DNAJC3: variants seen among roughly 807,000 people sequenced by gnomAD.
DNAJC3 encodes the protein dnaJ homolog subfamily C member 3.
DNAJC3 carries 38 observed loss-of-function variants against 68.6 expected under a neutral mutation model. The observed-to-expected ratio is 0.55, with a 90% CI of 0.43 to 0.73. DNAJC3 has a LOEUF of 0.73. Among genes scored for constraint, DNAJC3 ranks in the 30% least tolerant of loss-of-function variants. DNAJC3 has a pLI of 0.00. For synonymous variants in DNAJC3, 203 were observed against 204.0 expected, an observed-to-expected ratio of 1.00 and a Z score of 0.04; for missense variants, 526 against 591.9, an observed-to-expected ratio of 0.89 and a Z score of 1.16.
At position 95,767,194 on chromosome 13, in the gene DNAJC3, G is replaced by A. The variant is rs138199772; in HGVS notation, c.1075+3241G>A. Among the ~76,000 whole-genome samples the A allele has an allele frequency of 1.0e-3, 154 of 151,810 alleles. 1 individual carries two copies. Among genetic ancestry groups the A allele is most frequent in the Admixed American group, 2.6e-3 (39 of 15,226 alleles). ...AGCCGCTCCTTTTTACCTCTCCCTCGGCCCCTGGGAACCACCATTCTACTT... is the reference window on the plus strand; with the variant it reads ...AGCCGCTCCTTTTTACCTCTCCCTCAGCCCCTGGGAACCACCATTCTACTT... On this transcript the variant is annotated intron_variant, in intron 9 of 11. Coordinates refer to ENST00000602402, the MANE Select transcript of DNAJC3 (RefSeq NM_006260.5).
chr13:95,759,173 C>G (rs1882749226), intron 5 of DNAJC3, among the ~76,000 whole-genome samples: 1 of 152,166 alleles, frequency 6.6e-6, no homozygotes, highest in African/African-American at 2.4e-5. Flanking sequence ...TTCCTAAACC[C>G]TTATGGACTT....
intron 9 of DNAJC3, among the ~76,000 whole-genome samples, chr13:95,773,662 T>C (rs180705908): frequency 6.6e-6 from 1 of 151,760 alleles, no homozygotes; most frequent in Admixed American, 6.6e-5. Context: ...TTGTTTCTAA[T>C]ATTAATAATT....
At chr13:95,747,105 A>G (rs1882327691) in intron 4 of DNAJC3, among the ~76,000 whole-genome samples, 1 of 152,240 alleles carries the variant, frequency 6.6e-6, no homozygotes, top group Non-Finnish European at 1.5e-5. Context: ...CATATAACTT[A>G]GATCATTTAA....
At chr13:95,767,691 G>GGTTTTTTTTTT in intron 9 of DNAJC3, among the ~76,000 whole-genome samples, 1 of 135,798 alleles carries the variant, frequency 7.4e-6, no homozygotes, top group African/African-American at 2.7e-5. Context: ...AGTTTTTTGG[G>GGTTTTTTTTTT]TTTTTTTTTT....
chr13:95,780,584 T>G (rs534135885), intron 9 of DNAJC3, among the ~76,000 whole-genome samples: 2 of 152,364 alleles, frequency 1.3e-5, no homozygotes, highest in African/African-American at 4.8e-5. Context: ...TACAGTTTCT[T>G]TGTATTGTTT....
chr13:95,692,318 A>G (rs945117558), intron 1 of DNAJC3, among the ~76,000 whole-genome samples: 4 of 151,964 alleles, frequency 2.6e-5, no homozygotes, highest in South Asian at 2.1e-4. Flanking sequence ...CTAAGTCTGG[A>G]GTTTCATTGT....
rs751273715 is a variant in DNAJC3 at position 95,785,999 on chromosome 13, G to A, written c.1136G>A (p.Gly379Asp). The change falls in exon 10 of 12, where the codon GGT (glycine) becomes GAT (aspartate). Residue 379 changes from glycine to aspartate, a missense_variant. By Grantham distance (94) the Gly-to-Asp change is moderately conservative. Coordinates refer to ENST00000602402, the MANE Select transcript of DNAJC3 (RefSeq NM_006260.5). ...HNENDQQIRE[G>D]LEKAQRLLKQ... ...GAAAATGATCAGCAGATTCGAGAAG[G>A]TCTAGAGAAAGCACAAAGATTATTG... 5 of 1,612,416 alleles carry A rather than the reference G, an allele frequency of 3.1e-6. No individual in the cohort carries two copies. The highest frequency in any genetic ancestry group is 1.7e-5 in the Admixed American group (1 of 59,794).
At chr13:95,690,893 A>T (rs566678330) in intron 1 of DNAJC3, among the ~76,000 whole-genome samples, 1 of 125,174 alleles carries the variant, frequency 8.0e-6, no homozygotes, top group Non-Finnish European at 1.6e-5. Flanking sequence ...CACTTCCCAG[A>T]CGGGGCGGCT....
At chr13:95,724,004 A>G (rs1881426938) in intron 3 of DNAJC3, among the ~76,000 whole-genome samples, 1 of 151,900 alleles carries the variant, frequency 6.6e-6, no homozygotes, top group Non-Finnish European at 1.5e-5. Context: ...TTTCAGAAGT[A>G]ATTTGATAGC....
At chr13:95,689,703 G>A (rs1399390947) in intron 1 of DNAJC3, among the ~76,000 whole-genome samples, 3 of 151,656 alleles carry the variant, frequency 2.0e-5, no homozygotes, top group East Asian at 1.9e-4. Context: ...GTTCATTTGC[G>A]ATCTTTCTAT....
Position 95,695,993 on chromosome 13 carries a change from T to C in DNAJC3, c.83-13234T>C, listed in dbSNP as rs1880429019. ...TGTTAATCCCCATGAATGATATATG[T>C]GCTATAAATGCTTGATTGTACATAG... On this transcript the variant is annotated intron_variant, in intron 1 of 11. Coordinates refer to ENST00000602402, the MANE Select transcript of DNAJC3 (RefSeq NM_006260.5). Among the ~76,000 whole-genome samples the C allele has an allele frequency of 2.0e-5, 3 of 152,204 alleles. No individual in the cohort carries two copies. The South Asian group carries it at 6.2e-4, about 32-fold the overall frequency.
intron 9 of DNAJC3, among the ~76,000 whole-genome samples, chr13:95,780,050 G>A (rs1304057740): frequency 6.6e-6 from 1 of 152,108 alleles, no homozygotes; most frequent in Non-Finnish European, 1.5e-5. Flanking sequence ...TGGGGCCAGG[G>A]CAGCCTTCTG....
chr13:95,712,953 A>G (rs1489301911), intron 2 of DNAJC3, among the ~76,000 whole-genome samples: 1 of 152,130 alleles, frequency 6.6e-6, no homozygotes, highest in Non-Finnish European at 1.5e-5. Context: ...TGTTCTCATG[A>G]AAGTGAATGA....
chr13:95,705,196 C>G (rs757057774), intron 1 of DNAJC3, among the ~76,000 whole-genome samples: 1 of 152,150 alleles, frequency 6.6e-6, no homozygotes, highest in African/African-American at 2.4e-5. Flanking sequence ...TCCCTGCCAC[C>G]ATGGCCACTT....
intron 1 of DNAJC3, among the ~76,000 whole-genome samples, chr13:95,696,797 G>A (rs1021891063): frequency 6.6e-6 from 1 of 151,948 alleles, no homozygotes. Flanking sequence ...CCAGACTGGA[G>A]TGCAGTGGCG....
intron 9 of DNAJC3, among the ~76,000 whole-genome samples, chr13:95,773,630 G>A (rs1883215557): frequency 6.6e-6 from 1 of 151,418 alleles, no homozygotes; most frequent in African/African-American, 2.4e-5. Context: ...ATGTCTATAA[G>A]GTCTGTAAGA....
At chr13:95,736,402 T>C (rs2139653333) in intron 4 of DNAJC3, among the ~76,000 whole-genome samples, 1 of 149,694 alleles carries the variant, frequency 6.7e-6, no homozygotes, top group South Asian at 2.1e-4. Flanking sequence ...AATCTATAAA[T>C]TACCTTGGGC....
intron 1 of DNAJC3, among the ~76,000 whole-genome samples, chr13:95,688,946 G>T (rs1399196217): frequency 5.3e-5 from 8 of 150,852 alleles, no homozygotes; most frequent in African/African-American, 2.0e-4. Context: ...GTGTGTGTGT[G>T]TGTGTGTGTG....
chr13:95,685,381 G>A (rs1337908779), intron 1 of DNAJC3, among the ~76,000 whole-genome samples: 1 of 152,224 alleles, frequency 6.6e-6, no homozygotes, highest in East Asian at 1.9e-4. Context: ...TTTGGAATGG[G>A]ACTATTTACC....
Sources: gnomAD v4.1 joint callset for allele counts (sites outside exome capture counted in the v4.1 genomes callset) on GRCh38, gnomAD v4.1.1 for gene constraint, MANE v1.5 for transcripts, NCBI Gene and HGNC (gene_info 2026-07-23, HGNC 2026-07-21) for gene names.